Variants in ARFGEF3 observed in about 807,000 individuals in gnomAD.
ARFGEF3 encodes ARFGEF family member 3, also known as brefeldin A-inhibited guanine nucleotide-exchange protein 3.
ARFGEF3 carries 96 observed loss-of-function variants against 221.7 expected under a neutral mutation model. The ratio of observed to expected loss-of-function variants is 0.43; its 90% CI spans 0.37 to 0.51. ARFGEF3 has a LOEUF of 0.51. ARFGEF3 is among the 20% of genes least tolerant of loss of function. The pLI is 0.00. For missense variants in ARFGEF3, 2,410 were observed against 2,789.9 expected, an observed-to-expected ratio of 0.86 and a Z score of 3.07; for synonymous variants, 1,145 against 1,126.8, an observed-to-expected ratio of 1.02 and a Z score of -0.32.
intron 2 of ARFGEF3, among the ~76,000 whole-genome samples, chr6:138,205,729 T>A (rs1052517497): frequency 5.9e-5 from 9 of 152,246 alleles, no homozygotes; most frequent in African/African-American, 2.2e-4. Flanking sequence ...ATGGCTGTAG[T>A]GTTAACTGTC....
chr6:138,213,526 TTAACTA>T (rs1490198048), intron 4 of ARFGEF3, among the ~76,000 whole-genome samples: 2 of 151,542 alleles, frequency 1.3e-5, no homozygotes, highest in Non-Finnish European at 2.9e-5. Flanking sequence ...TTCCTCCAAC[TTAACTA>T]TAACTGTGGA....
At chr6:138,314,886 G>A (rs990875322) in intron 26 of ARFGEF3, among the ~76,000 whole-genome samples, 5 of 152,180 alleles carry the variant, frequency 3.3e-5, no homozygotes, top group Non-Finnish European at 7.3e-5. Flanking sequence ...ATCACAATAA[G>A]TCTGCTTAAA....
intron 7 of ARFGEF3, 136 bp from the exon 8 acceptor site, chr6:138,245,377 T>C: frequency 3.0e-6 from 2 of 667,720 alleles, no homozygotes; most frequent in South Asian, 3.3e-5. Context: ...TTTGGTGGCC[T>C]AAGGGCTTCT....
intron 8 of ARFGEF3, among the ~76,000 whole-genome samples, chr6:138,249,396 C>G (rs917840592): frequency 1.3e-5 from 2 of 152,236 alleles, no homozygotes; most frequent in African/African-American, 4.8e-5. Flanking sequence ...GAGGCGTGAT[C>G]TGGGCTCACT....
intron 31 of ARFGEF3, among the ~76,000 whole-genome samples, chr6:138,327,324 CCAGCTACT>C (rs113118616): frequency 0.15 from 22,662 of 151,880 alleles, 2,906 homozygotes; most frequent in African/African-American, 0.36. Context: ...ACCTGTGGTC[CCAGCTACT>C]CAGCTACTCG....
chr6:138,331,365 A>C (rs192455620), intron 32 of ARFGEF3, among the ~76,000 whole-genome samples: 4 of 152,366 alleles, frequency 2.6e-5, no homozygotes, highest in Non-Finnish European at 4.4e-5. Flanking sequence ...TTGCATTCTT[A>C]GATTTGACTC....
chr6:138,238,340 T>C (rs1224569068), intron 5 of ARFGEF3, among the ~76,000 whole-genome samples, 169 bp from the exon 6 acceptor site: 1 of 152,328 alleles, frequency 6.6e-6, no homozygotes, highest in East Asian at 1.9e-4. Context: ...TAAAAACAAA[T>C]TTCCAGGGAT....
intron 15 of ARFGEF3, among the ~76,000 whole-genome samples, chr6:138,286,479 G>A (rs932334096): frequency 3.3e-5 from 5 of 150,702 alleles, no homozygotes; most frequent in South Asian, 2.1e-4. Flanking sequence ...AAAAGAAAAA[G>A]TAATTGATGG....
intron 2 of ARFGEF3, among the ~76,000 whole-genome samples, chr6:138,204,860 A>C (rs1317954211): frequency 2.0e-5 from 3 of 152,196 alleles, no homozygotes; most frequent in Non-Finnish European, 4.4e-5. Flanking sequence ...CTTTCAACTC[A>C]GCCAAAACCT....
rs1231432052 is a variant in ARFGEF3, at chr6:138,255,708, A to G, written c.1043A>G (p.His348Arg). Residue 348 changes from histidine (H) to arginine (R), a missense_variant, in exon 10 of 34, where the codon CAC becomes CGC. Coordinates refer to ENST00000251691, the MANE Select transcript of ARFGEF3 (RefSeq NM_020340.5). ...AAGCCCGTGCTCCAGTCCCTCTACC[A>G]CCGAGTGCTGCTCTACCCCCCACCC... is the stretch of plus-strand genomic sequence containing the variant. ...SMKPVLQSLYHRVLLYPPPQH... is the reference protein window; with the variant it reads ...SMKPVLQSLYRRVLLYPPPQH... The G allele has an allele frequency of 1.2e-6, 2 of 1,610,842 alleles. No homozygotes were observed. The highest frequency in any genetic ancestry group is 1.7e-6 in the Non-Finnish European group (2 of 1,178,138).
At chr6:138,182,006 A>G (rs936856916) in intron 2 of ARFGEF3, among the ~76,000 whole-genome samples, 1 of 152,122 alleles carries the variant, frequency 6.6e-6, no homozygotes, top group African/African-American at 2.4e-5. Flanking sequence ...ACCCTGTAGG[A>G]CTTTTCTTCT....
chr6:138,330,725 ACAAT>A (rs10598555), intron 32 of ARFGEF3, among the ~76,000 whole-genome samples: 22,738 of 152,134 alleles, frequency 0.15, 2,928 homozygotes, highest in African/African-American at 0.36. Context: ...GATTAATATA[ACAAT>A]CAATCATTTG....
intron 8 of ARFGEF3, among the ~76,000 whole-genome samples, chr6:138,251,317 A>C (rs1778578599): frequency 6.6e-6 from 1 of 152,194 alleles, no homozygotes; most frequent in Admixed American, 6.5e-5. Context: ...TTGAAAGAAA[A>C]AGAGAAATTT....
At chr6:138,276,547 GT>G (rs554263706) in intron 12 of ARFGEF3, among the ~76,000 whole-genome samples, 16 of 148,824 alleles carry the variant, frequency 1.1e-4, no homozygotes, top group African/African-American at 2.2e-4. Context: ...TTATTTAATG[GT>G]TTTTTTTTTG....
At chr6:138,171,012 C>T (rs1200411699) in intron 2 of ARFGEF3, among the ~76,000 whole-genome samples, 1 of 152,130 alleles carries the variant, frequency 6.6e-6, no homozygotes, top group African/African-American at 2.4e-5. Context: ...CCTTTTCTAA[C>T]AAAGCCCCAC....
chr6:138,184,517 C>T (rs146553396), intron 2 of ARFGEF3, among the ~76,000 whole-genome samples: 1 of 152,216 alleles, frequency 6.6e-6, no homozygotes, highest in East Asian at 1.9e-4. Context: ...ACAAGGGTAC[C>T]GGGAAGAAAG....
intron 21 of ARFGEF3, among the ~76,000 whole-genome samples, chr6:138,297,633 A>G (rs953801505): frequency 2.0e-5 from 3 of 152,254 alleles, no homozygotes; most frequent in African/African-American, 7.2e-5. Context: ...ACCTGAGAAC[A>G]TTCTAGTAAG....
At chr6:138,192,766 AG>A (rs1303955892) in intron 2 of ARFGEF3, among the ~76,000 whole-genome samples, 1 of 152,222 alleles carries the variant, frequency 6.6e-6, no homozygotes, top group Non-Finnish European at 1.5e-5. Flanking sequence ...GCTTCTTATC[AG>A]ATCATTCTAA....
chr6:138,209,991 G>T lies in ARFGEF3; in HGVS notation c.301G>T (p.Val101Leu), dbSNP rs1224417417. 1 of 1,613,764 alleles carries T rather than the reference G, an allele frequency of 6.2e-7. No homozygotes were observed. Among genetic ancestry groups the T allele is most frequent in the African/African-American group, 1.3e-5 (1 of 74,916 alleles). ...GCTGCTCAATCAGATACTGAATGCC[G>T]TGAAAGTGACGCCTTCGCTCAACGA... ...KQLLNQILNA[V>L]KVTPSLNEDL... Residue 101 changes from valine to leucine, a missense_variant, in exon 4 of 34, where the codon GTG becomes TTG. Val to Leu is a conservative substitution (Grantham distance 32). Transcript: ENST00000251691.
Sources: gnomAD v4.1 joint callset for allele counts (sites outside exome capture counted in the v4.1 genomes callset) on GRCh38, gnomAD v4.1.1 for gene constraint, MANE v1.5 for transcripts, NCBI Gene and HGNC (gene_info 2026-07-23, HGNC 2026-07-21) for gene names.